PGS1: variants seen among roughly 807,000 people sequenced by gnomAD.
The protein encoded by PGS1 is CDP-diacylglycerol--glycerol-3-phosphate 3-phosphatidyltransferase, mitochondrial.
In PGS1, 44 loss-of-function variants were observed where a neutral mutation model predicts 58.3. That is an observed-to-expected ratio of 0.75 (90% confidence interval 0.59 to 0.97). PGS1 has a LOEUF of 0.97. Among genes scored for constraint, PGS1 ranks in the 50% least tolerant of loss-of-function variants. The pLI is 0.00. For synonymous variants in PGS1, 330 were observed against 311.0 expected (o/e 1.06, Z -0.64); for missense variants, 684 against 731.1 (o/e 0.94, Z 0.74).
chr17:78,410,539 T>G (rs1368660596), intron 7 of PGS1, among the ~76,000 whole-genome samples: 5 of 134,996 alleles, frequency 3.7e-5, no homozygotes, highest in African/African-American at 1.4e-4. Context: ...AGTGGCGTGG[T>G]CTTGGCTCAC....
intron 1 of PGS1, 121 bp downstream of exon 1, chr17:78,378,929 C>T: frequency 9.3e-7 from 1 of 1,074,108 alleles, no homozygotes; most frequent in Non-Finnish European, 1.2e-6. Context: ...GGTTTCCGGG[C>T]CCATTTCTGC....
At chr17:78,397,616 G>A (rs2083336736) in intron 3 of PGS1, among the ~76,000 whole-genome samples, 1 of 150,584 alleles carries the variant, frequency 6.6e-6, no homozygotes, top group African/African-American at 2.5e-5. Context: ...TGTATTTTTA[G>A]TAGAGACGGG....
chr17:78,391,522 G>C (rs1432724984), intron 1 of PGS1, among the ~76,000 whole-genome samples: 1 of 152,078 alleles, frequency 6.6e-6, no homozygotes, highest in African/African-American at 2.4e-5. Flanking sequence ...CTGTCACCCA[G>C]GCTGGGGTGC....
At chr17:78,417,502 C>T (rs2085294388) in intron 8 of PGS1, among the ~76,000 whole-genome samples, 1 of 152,038 alleles carries the variant, frequency 6.6e-6, no homozygotes, top group Non-Finnish European at 1.5e-5. Flanking sequence ...CTGGCTTTCC[C>T]CAGCTCTTGA....
At chr17:78,397,267 G>C (rs984592365) in intron 3 of PGS1, among the ~76,000 whole-genome samples, 1 of 152,248 alleles carries the variant, frequency 6.6e-6, no homozygotes, top group Non-Finnish European at 1.5e-5. Context: ...TCCTGGGATT[G>C]CTTTCCGCTC....
chr17:78,404,269 C>T (rs1007450992), intron 7 of PGS1, among the ~76,000 whole-genome samples, 180 bp downstream of exon 7: 2 of 145,574 alleles, frequency 1.4e-5, no homozygotes, highest in South Asian at 2.2e-4. Context: ...GCATTCATCT[C>T]CTCAAGGGAA....
chr17:78,415,274 G>A (rs1196435570), intron 8 of PGS1, among the ~76,000 whole-genome samples: 1 of 152,198 alleles, frequency 6.6e-6, no homozygotes, highest in African/African-American at 2.4e-5. Context: ...CTCTGCACTA[G>A]GGGAGACCAC....
intron 7 of PGS1, among the ~76,000 whole-genome samples, chr17:78,406,567 CTGTCCTGCAGGACCCATCCTGGCA>C: frequency 6.6e-6 from 1 of 152,394 alleles, no homozygotes; most frequent in East Asian, 1.9e-4. Context: ...GACTGCCACA[CTGTCCTGCAGGACCCATCCTGGCA>C]TGTGTTGTGG....
At chr17:78,393,841 G>A (rs1253714319) in intron 2 of PGS1, among the ~76,000 whole-genome samples, 1 of 152,150 alleles carries the variant, frequency 6.6e-6, no homozygotes, top group Non-Finnish European at 1.5e-5. Flanking sequence ...AATCAACACT[G>A]ATTTTTAACA....
At chr17:78,386,963 ATGATGATGATGATGATGG>A (rs2082429246) in intron 1 of PGS1, among the ~76,000 whole-genome samples, 1 of 142,230 alleles carries the variant, frequency 7.0e-6, no homozygotes, top group Admixed American at 7.0e-5. Context: ...GGTGATGATG[ATGATGATGATGATGATGG>A]TGATGATGGT....
chr17:78,417,142 C>T lies in PGS1; in HGVS notation c.1551+2115C>T, dbSNP rs117305939. 9.5e-4 allele frequency among the ~76,000 whole-genome samples: 144 copies of T among 152,350 alleles called. 5 individuals carry two copies. In the East Asian group the frequency reaches 0.015, roughly 16 times the overall value. ...ACTTGTGACCCAAGAAAGACTCCCTCGAACAGCGTCGTAACCTCGTCAGCT... is the reference window on the plus strand; with the variant it reads ...ACTTGTGACCCAAGAAAGACTCCCTTGAACAGCGTCGTAACCTCGTCAGCT... On this transcript the variant is annotated intron_variant, in intron 8 of 9. Transcript: ENST00000262764.
chr17:78,395,952 C>G (rs113763937), intron 2 of PGS1, among the ~76,000 whole-genome samples: 11,836 of 152,298 alleles, frequency 0.078, 604 homozygotes, highest in Non-Finnish European at 0.13. Context: ...GTTGGCCAGG[C>G]TGGTCTCAAA....
chr17:78,387,591 G>A (rs189839909), intron 1 of PGS1, among the ~76,000 whole-genome samples: 3 of 135,390 alleles, frequency 2.2e-5, no homozygotes, highest in African/African-American at 2.6e-5. Context: ...GAGCCATCGC[G>A]CCCAGCCTTT....
At chr17:78,387,767 C>T (rs2082518868) in intron 1 of PGS1, among the ~76,000 whole-genome samples, 1 of 151,688 alleles carries the variant, frequency 6.6e-6, no homozygotes, top group Non-Finnish European at 1.5e-5. Flanking sequence ...GCCTGGCTAA[C>T]TTTTAATTTT....
At chr17:78,381,851 G>C (rs1234137863) in intron 1 of PGS1, among the ~76,000 whole-genome samples, 1 of 152,130 alleles carries the variant, frequency 6.6e-6, no homozygotes, top group Non-Finnish European at 1.5e-5. Context: ...TCTTAAGCTA[G>C]CATCTGACTC....
Position 78,399,290 on chromosome 17 carries a change from T to C in PGS1, c.512-58T>C, listed in dbSNP as rs540777686. On this transcript the variant is annotated intron_variant, in intron 4 of 9. Transcript: ENST00000262764. ...AGGCCACGTGGAGGTGGCTCCTCAT[T>C]GGGGGCAGGACGCCTTCCTGTTGTG... The C allele has an allele frequency of 7.0e-4, 976 of 1,401,426 alleles. 4 individuals carry two copies. The highest frequency in any genetic ancestry group is 2.3e-4 in the Non-Finnish European group (232 of 994,972). 86.8% of individuals were successfully genotyped at this position (1,401,426 alleles called of 1,614,324 possible). A position where few individuals can be genotyped will look rare whatever the true frequency, so the allele number is the denominator to read the frequency against.
intron 9 of PGS1, chr17:78,423,825 A>G (rs1056034513): frequency 6.5e-7 from 1 of 1,531,416 alleles, no homozygotes; most frequent in African/African-American, 1.4e-5. Context: ...AGTTCCTGTA[A>G]AGAATAAGTC....
chr17:78,383,372 A>C (rs926237993), intron 1 of PGS1, among the ~76,000 whole-genome samples: 2 of 151,982 alleles, frequency 1.3e-5, no homozygotes, highest in African/African-American at 4.8e-5. Context: ...GATTACAGGC[A>C]TGTGCCACCA....
At chr17:78,396,497 CAG>C in intron 3 of PGS1, 112 bp downstream of exon 3, 1 of 740,970 alleles carries the variant, frequency 1.3e-6, no homozygotes, top group East Asian at 2.6e-5. Context: ...GCCTCCATGT[CAG>C]AGCCAGCTCT....
Sources: gnomAD v4.1 joint callset for allele counts (sites outside exome capture counted in the v4.1 genomes callset) on GRCh38, gnomAD v4.1.1 for gene constraint, MANE v1.5 for transcripts, NCBI Gene and HGNC (gene_info 2026-07-23, HGNC 2026-07-21) for gene names.